Variants in PROM1 observed in about 807,000 individuals in gnomAD.
PROM1 encodes the protein prominin-1.
Under a neutral mutation model 116.9 loss-of-function variants are expected in PROM1, and 105 were observed. The observed-to-expected ratio is 0.90, with a 90% CI of 0.77 to 1.06. The LOEUF (loss-of-function observed/expected upper bound fraction) is 1.06, where lower values mean the gene tolerates loss of function less well. Among genes scored for constraint, PROM1 ranks in the 50% least tolerant of loss-of-function variants. The probability of loss-of-function intolerance (pLI) is 0.00; values close to 1 mark genes in which losing one functional copy is unlikely to be tolerated. For synonymous variants in PROM1, 393 were observed against 387.0 expected (o/e 1.02, Z -0.18); for missense variants, 1,122 against 1,045.2 (o/e 1.07, Z -1.01).
intron 9 of PROM1, among the ~76,000 whole-genome samples, chr4:16,017,657 C>T (rs1728744026): frequency 6.6e-6 from 1 of 152,184 alleles, no homozygotes; most frequent in South Asian, 2.1e-4. Flanking sequence ...CCTGTCTCTA[C>T]TAAAAATACG....
At chr4:16,052,653 G>C (rs1738153851) in intron 2 of PROM1, among the ~76,000 whole-genome samples, 1 of 152,106 alleles carries the variant, frequency 6.6e-6, no homozygotes, top group African/African-American at 2.4e-5. Context: ...GCTAATGTTT[G>C]TATTTTTTCT....
At chr4:16,077,355 T>G (rs1345702128) in intron 1 of PROM1, among the ~76,000 whole-genome samples, 1 of 152,198 alleles carries the variant, frequency 6.6e-6, no homozygotes, top group Non-Finnish European at 1.5e-5. Context: ...TTGTCTATGA[T>G]GCAGAAACCT....
At chr4:16,020,634 G>T (rs1245576363) in intron 8 of PROM1, among the ~76,000 whole-genome samples, 2 of 151,972 alleles carry the variant, frequency 1.3e-5, no homozygotes, top group African/African-American at 4.8e-5. Flanking sequence ...TTGACTTCAG[G>T]ATAAGTTATC....
chr4:16,069,045 G>C (rs1742209586), intron 2 of PROM1, among the ~76,000 whole-genome samples: 1 of 152,172 alleles, frequency 6.6e-6, no homozygotes, highest in Admixed American at 6.5e-5. Flanking sequence ...GACCAGCCTA[G>C]CCAACATGGC....
intron 22 of PROM1, 127 bp from the exon 23 acceptor site, chr4:15,984,482 C>A: frequency 1.6e-6 from 1 of 612,250 alleles, no homozygotes; most frequent in Non-Finnish European, 2.7e-6. Context: ...ACAGGGGTCC[C>A]CAACTCCTGG....
chr4:16,000,762 T>C (rs1723590117), intron 13 of PROM1, 143 bp from the exon 14 acceptor site: 4 of 682,536 alleles, frequency 5.9e-6, no homozygotes, highest in Non-Finnish European at 8.6e-6. Context: ...CACCTAGGAG[T>C]GACACAGGGC....
At position 15,979,882 on chromosome 4, in the gene PROM1, T is replaced by G; in HGVS notation, c.2512A>C (p.Asn838His). ...YDDVETIPMK[N>H]MENGNNGYHK... The stretch of plus-strand genomic sequence containing the variant: ...TATAGTTTTTTTAAAAAGGCTTACT[T>G]TTTCATGGGTATAGTTTCAACACTA... Residue 838 changes from asparagine to histidine, a missense_variant and splice_region_variant, in exon 25 of 28, where the codon AAT becomes CAT. Physicochemically the swap from Asn to His is moderately conservative, Grantham distance 68. Coordinates refer to ENST00000447510, the MANE Select transcript of PROM1 (RefSeq NM_006017.3). 1 of 1,453,458 alleles carries G rather than the reference T, an allele frequency of 6.9e-7. No homozygotes were observed. The highest frequency in any genetic ancestry group is 1.3e-5 in the South Asian group (1 of 79,148). The allele number at this position is 1,453,458 out of a possible 1,614,324, so 90.0% of individuals were successfully genotyped here. A position where few individuals can be genotyped will look rare whatever the true frequency, so the allele number is the denominator to read the frequency against.
At chr4:15,997,118 C>T (rs961231725) in intron 15 of PROM1, among the ~76,000 whole-genome samples, 5 of 151,878 alleles carry the variant, frequency 3.3e-5, no homozygotes, top group African/African-American at 9.7e-5. Flanking sequence ...CACCTAAGAT[C>T]AGACACCTAA....
At chr4:15,987,456 C>G (rs1308648845) in intron 20 of PROM1, among the ~76,000 whole-genome samples, 1 of 152,130 alleles carries the variant, frequency 6.6e-6, no homozygotes, top group African/African-American at 2.4e-5. Context: ...ACCTATGTAT[C>G]TAATAGCCTG....
intron 7 of PROM1, among the ~76,000 whole-genome samples, chr4:16,023,991 CAGGAAA>C (rs935306131): frequency 7.9e-5 from 12 of 152,164 alleles, no homozygotes; most frequent in African/African-American, 2.9e-4. Context: ...GGGCACCTGG[CAGGAAA>C]ACAATCTTTC....
intron 2 of PROM1, among the ~76,000 whole-genome samples, chr4:16,056,580 G>A (rs911182302): frequency 1.3e-5 from 2 of 151,930 alleles, no homozygotes; most frequent in Non-Finnish European, 2.9e-5. Flanking sequence ...CAAGGTGAGG[G>A]GTGTTGGGGT....
At chr4:16,025,155 A>G (rs1375542923) in intron 6 of PROM1, 37 bp downstream of exon 6, 20 of 1,592,006 alleles carry the variant, frequency 1.3e-5, no homozygotes, top group Non-Finnish European at 1.7e-5. Flanking sequence ...AACCAAAAAT[A>G]TAAAGCATCG....
chr4:16,005,408 C>T (rs1725170525), intron 13 of PROM1, among the ~76,000 whole-genome samples: 1 of 151,698 alleles, frequency 6.6e-6, no homozygotes, highest in South Asian at 2.1e-4. Flanking sequence ...ATACTGGAGC[C>T]TAATTATTGT....
chr4:16,050,940 C>T (rs916278360), intron 2 of PROM1, among the ~76,000 whole-genome samples: 10 of 152,174 alleles, frequency 6.6e-5, no homozygotes, highest in African/African-American at 2.2e-4. Context: ...AGATGCAATC[C>T]ATGCTGTTAA....
intron 25 of PROM1, 93 bp from the exon 26 acceptor site, chr4:15,979,556 A>C: frequency 6.9e-7 from 1 of 1,450,792 alleles, no homozygotes; most frequent in Non-Finnish European, 9.1e-7. Flanking sequence ...ATGGTCATGA[A>C]AAGTATGTAA....
At chr4:15,978,994 GGAAGGAAGGAAGGAAA>G (rs1716972445) in intron 26 of PROM1, among the ~76,000 whole-genome samples, 1 of 137,250 alleles carries the variant, frequency 7.3e-6, no homozygotes, top group African/African-American at 2.9e-5. Context: ...AAGGAAAAAA[GGAAGGAAGGAAGGAAA>G]GAAGGAAGGA....
At chr4:16,019,044 T>C (rs932453784) in intron 8 of PROM1, among the ~76,000 whole-genome samples, 80 of 152,236 alleles carry the variant, frequency 5.3e-4, no homozygotes, top group African/African-American at 1.9e-3. Flanking sequence ...TGCTATTTGC[T>C]GTGTGACTAA....
intron 7 of PROM1, 39 bp from the exon 8 acceptor site, chr4:16,023,454 C>T: frequency 6.9e-7 from 1 of 1,451,780 alleles, no homozygotes. Context: ...AGGGTGGCCT[C>T]TGCTCATCTC....
intron 4 of PROM1, 88 bp downstream of exon 4, chr4:16,035,647 A>C: frequency 8.0e-7 from 1 of 1,254,700 alleles, no homozygotes; most frequent in Admixed American, 1.7e-5. Flanking sequence ...AATGAAACGG[A>C]TCATTTAAAA....
Sources: gnomAD v4.1 joint callset for allele counts (sites outside exome capture counted in the v4.1 genomes callset) on GRCh38, gnomAD v4.1.1 for gene constraint, MANE v1.5 for transcripts, NCBI Gene and HGNC (gene_info 2026-07-23, HGNC 2026-07-21) for gene names.